The following PPP1R21 variants were observed in gnomAD, a reference collection of about 807,000 sequenced individuals.
The protein encoded by PPP1R21 is protein phosphatase 1 regulatory subunit 21, also known as KLRAQ motif containing 1.
In PPP1R21, 85 loss-of-function variants were observed where a neutral mutation model predicts 112.8. The observed-to-expected ratio is 0.75, with a 90% CI of 0.63 to 0.90. The LOEUF (loss-of-function observed/expected upper bound fraction) is 0.90, where lower values mean the gene tolerates loss of function less well. Ranked by LOEUF, PPP1R21 falls within the 40% of genes least tolerant of loss-of-function variation. PPP1R21 has a pLI of 0.00. For missense variants in PPP1R21, 1,199 were observed against 901.5 expected (o/e 1.33, Z -4.23); for synonymous variants, 381 against 322.3 (o/e 1.18, Z -1.95).
rs575516010 is a variant in PPP1R21, at chr2:48,446,421, T to A, written c.58-4587T>A. Among the ~76,000 whole-genome samples, 235 of 152,222 alleles carry A rather than the reference T, an allele frequency of 1.5e-3. 1 individual carries two copies. Among genetic ancestry groups the A allele is most frequent in the Middle Eastern group, 0.01 (3 of 294 alleles). On this transcript the variant is annotated intron_variant, in intron 1 of 21. Coordinates refer to ENST00000294952, the MANE Select transcript of PPP1R21 (RefSeq NM_001135629.3). ...GAGAGCAGGTCTGGGCACTGGTCAT[T>A]AGAGAGTTAGGCTCAAGGCTTTTGA...
At chr2:48,508,773 C>T (rs1450164513) in intron 19 of PPP1R21, among the ~76,000 whole-genome samples, 1 of 152,178 alleles carries the variant, frequency 6.6e-6, no homozygotes, top group Non-Finnish European at 1.5e-5. Context: ...ACTTGGTTGG[C>T]TGAACTGCCC....
chr2:48,507,183 A>G, intron 18 of PPP1R21, 86 bp from the exon 19 acceptor site: 2 of 1,421,018 alleles, frequency 1.4e-6, no homozygotes, highest in East Asian at 5.4e-5. Context: ...AGAATGTACA[A>G]AATGTTGTCT....
chr2:48,499,269 C>T (rs1572890279), intron 17 of PPP1R21, among the ~76,000 whole-genome samples: 1 of 152,058 alleles, frequency 6.6e-6, no homozygotes, highest in Non-Finnish European at 1.5e-5. Flanking sequence ...CATTAAATTC[C>T]CTGTGATTTT....
chr2:48,443,828 C>A (rs1426785024), intron 1 of PPP1R21, among the ~76,000 whole-genome samples: 1 of 150,658 alleles, frequency 6.6e-6, no homozygotes, highest in Non-Finnish European at 1.5e-5. Flanking sequence ...TGGGCTGATA[C>A]TGAAATCCAG....
chr2:48,458,725 T>G (rs545379841), intron 4 of PPP1R21, among the ~76,000 whole-genome samples: 24 of 152,240 alleles, frequency 1.6e-4, no homozygotes, highest in African/African-American at 5.8e-4. Context: ...AGTGTCTTAC[T>G]TATGTCAGGC....
chr2:48,446,525 A>G lies in PPP1R21; in HGVS notation c.58-4483A>G, dbSNP rs940539885. Among the ~76,000 whole-genome samples the G allele has an allele frequency of 2.0e-5, 3 of 152,172 alleles. No homozygotes were observed. In the South Asian group the frequency reaches 6.2e-4, roughly 32 times the overall value. On this transcript the variant is annotated intron_variant, in intron 1 of 21. Transcript: ENST00000294952. Reference sequence around the variant, plus strand: ...AAAGAGAACTGTTAAAGTAATGGCAATCTCTTATATAATGTATTACATTTA... The same window carrying G: ...AAAGAGAACTGTTAAAGTAATGGCAGTCTCTTATATAATGTATTACATTTA...
At chr2:48,494,685 G>T (rs1669742058) in intron 15 of PPP1R21, among the ~76,000 whole-genome samples, 1 of 150,300 alleles carries the variant, frequency 6.7e-6, no homozygotes, top group Non-Finnish European at 1.5e-5. Flanking sequence ...CAAAGTGCTG[G>T]GATTACTGGC....
chr2:48,444,506 C>T (rs1667166143), intron 1 of PPP1R21, among the ~76,000 whole-genome samples: 1 of 152,226 alleles, frequency 6.6e-6, no homozygotes, highest in South Asian at 2.1e-4. Context: ...GTGCTGAGTT[C>T]TGGCTCATTT....
At chr2:48,456,035 AATAGT>A (rs1159466925) in intron 3 of PPP1R21, among the ~76,000 whole-genome samples, 2 of 100,454 alleles carry the variant, frequency 2.0e-5, no homozygotes, top group Admixed American at 1.2e-4. Context: ...AAAAAAAAAA[AATAGT>A]AGCAGTTGAA....
In PPP1R21 at chr2:48,507,364, G is replaced by C; in HGVS notation, c.2064G>C (p.Lys688Asn). 6.2e-7 allele frequency: 1 copy of C among 1,600,200 alleles called. No homozygotes were observed. The highest frequency in any genetic ancestry group is 8.5e-7 in the Non-Finnish European group (1 of 1,175,930). The change falls in exon 19 of 22, where the codon AAG becomes AAC. Residue 688 changes from lysine to asparagine, a missense_variant. Coordinates refer to ENST00000294952, the MANE Select transcript of PPP1R21 (RefSeq NM_001135629.3). ...CTCAGTTGCAGCTGGCTGACAGTAA[G>C]TCAGTGCATTTTTATGCCGAGGTGA... ...LTSQLQLADS[K>N]SVHFYAECRA... is the part of the protein sequence containing the mutation.
At chr2:48,448,636 GTATTGC>G in intron 1 of PPP1R21, among the ~76,000 whole-genome samples, 1 of 148,362 alleles carries the variant, frequency 6.7e-6, no homozygotes, top group South Asian at 2.2e-4. Context: ...GACTGAAGCA[GTATTGC>G]TATTTTTTTG....
chr2:48,479,790 G>A lies in PPP1R21; in HGVS notation c.1226-134G>A, dbSNP rs114348760. On this transcript the variant is annotated intron_variant, in intron 12 of 21. Coordinates refer to ENST00000294952, the MANE Select transcript of PPP1R21 (RefSeq NM_001135629.3). ...ATCACCATTATGTCTGAATGTATCT[G>A]CCACGATTTTAAGAGGCATTATTTC... The A allele has an allele frequency of 6.5e-3, 4,339 of 667,730 alleles. 47 individuals are homozygous for A. The highest frequency in any genetic ancestry group is 0.029 in the Admixed American group (1,284 of 44,498). The allele number at this position is 667,730 out of a possible 1,614,324, so 41.4% of individuals were successfully genotyped here. A position where few individuals can be genotyped will look rare whatever the true frequency, so the allele number is the denominator to read the frequency against.
intron 17 of PPP1R21, among the ~76,000 whole-genome samples, chr2:48,502,676 C>CTT (rs762811938): frequency 0.013 from 1,189 of 93,978 alleles, 24 homozygotes; most frequent in African/African-American, 0.019. Context: ...AGAAACTTTT[C>CTT]TTTTTTTTTT....
intron 17 of PPP1R21, 80 bp from the exon 18 acceptor site, chr2:48,505,484 G>A: frequency 6.5e-6 from 7 of 1,079,796 alleles, no homozygotes; most frequent in Non-Finnish European, 8.4e-6. Flanking sequence ...ACGGAGAGGA[G>A]AAAATATTAA....
At chr2:48,475,629 C>T (rs969908451) in intron 12 of PPP1R21, among the ~76,000 whole-genome samples, 4 of 152,128 alleles carry the variant, frequency 2.6e-5, no homozygotes, top group South Asian at 4.1e-4. Context: ...GGGCAGATCA[C>T]CTGAGGTTGG....
rs1376213614 is a variant in PPP1R21 at position 48,469,452 on chromosome 2, CATATATATATATAGAGCATAT to C, written c.898-1623_898-1603del. ...AGAGCATATATATATATAGAGAGAGCATATATATATATAGAGCATATATATATATATAGAGCATATATATAT... is the reference window on the plus strand; with the variant it reads ...AGAGCATATATATATATAGAGAGAGCATATATATATAGAGCATATATATAT... On this transcript the variant is annotated intron_variant, in intron 9 of 21. Coordinates refer to ENST00000294952, the MANE Select transcript of PPP1R21 (RefSeq NM_001135629.3). Among the ~76,000 whole-genome samples, 20 of 34,706 alleles carry C rather than the reference CATATATATATATAGAGCATAT, an allele frequency of 5.8e-4. 4 individuals carry two copies. Among genetic ancestry groups the C allele is most frequent in the Non-Finnish European group, 1.1e-3 (18 of 17,110 alleles). The allele number at this position is 34,706 out of a possible 152,430, so 22.8% of individuals were successfully genotyped here. A position where few individuals can be genotyped will look rare whatever the true frequency, so the allele number is the denominator to read the frequency against.
chr2:48,497,404 C>G (rs1669894968), intron 16 of PPP1R21, among the ~76,000 whole-genome samples: 2 of 152,252 alleles, frequency 1.3e-5, no homozygotes, highest in Admixed American at 6.5e-5. Flanking sequence ...TTCCTCATGC[C>G]CATTTCCAGT....
intron 9 of PPP1R21, among the ~76,000 whole-genome samples, chr2:48,466,977 G>C (rs1668234897): frequency 6.6e-6 from 1 of 152,102 alleles, no homozygotes; most frequent in Admixed American, 6.5e-5. Flanking sequence ...TTTGATCGGG[G>C]GTGACATAAA....
At chr2:48,441,112 CGAGCGCGCCCCACCT>C in intron 1 of PPP1R21, 102 bp downstream of exon 1, 1 of 793,600 alleles carries the variant, frequency 1.3e-6, no homozygotes. Context: ...GAGGGGCACG[CGAGCGCGCCCCACCT>C]TTCCCCTCAG....
Sources: allele counts gnomAD v4.1 joint callset (sites outside exome capture counted in the v4.1 genomes callset), GRCh38; gene constraint gnomAD v4.1.1; transcripts MANE v1.5; gene names NCBI Gene and HGNC (gene_info 2026-07-23, HGNC 2026-07-21).